NEBL: variants seen among roughly 807,000 people sequenced by gnomAD.
NEBL encodes the protein nebulette.
A neutral mutation model predicts 140.2 loss-of-function variants in NEBL; 122 were observed. That is an observed-to-expected ratio of 0.87 (90% CI 0.75 to 1.01). The LOEUF is 1.01. NEBL is among the 50% of genes least tolerant of loss of function. The pLI, the probability that NEBL is intolerant of heterozygous loss-of-function variation, is 0.00. For synonymous variants in NEBL, 436 were observed against 398.9 expected, an observed-to-expected ratio of 1.09 and a Z score of -1.11; for missense variants, 1,365 against 1,231.3, an observed-to-expected ratio of 1.11 and a Z score of -1.62.
intron 14 of NEBL, among the ~76,000 whole-genome samples, 178 bp downstream of exon 14, chr10:20,835,335 G>T (rs1040542558): frequency 6.6e-6 from 1 of 152,164 alleles, no homozygotes; most frequent in African/African-American, 2.4e-5. Flanking sequence ...GGAAGGATAT[G>T]AGCAAAGCAA....
intron 13 of NEBL, among the ~76,000 whole-genome samples, chr10:20,839,301 A>T (rs1042858705): frequency 6.6e-6 from 1 of 152,216 alleles, no homozygotes; most frequent in South Asian, 2.1e-4. Context: ...CAATCTCTGC[A>T]TGTGGATTGG....
At chr10:20,865,807 T>A (rs1367661474) in intron 7 of NEBL, among the ~76,000 whole-genome samples, 1 of 152,172 alleles carries the variant, frequency 6.6e-6, no homozygotes, top group African/African-American at 2.4e-5. Flanking sequence ...ACAATTACTA[T>A]GAGGCACAAT....
intron 1 of NEBL, among the ~76,000 whole-genome samples, chr10:21,272,187 G>A (rs143552785): frequency 0.036 from 4,807 of 135,072 alleles, 256 homozygotes; most frequent in African/African-American, 0.13. Flanking sequence ...GGATGGTCTC[G>A]ATCTCCTGAC....
chr10:20,847,726 C>A (rs766587945), intron 11 of NEBL, among the ~76,000 whole-genome samples: 3 of 152,086 alleles, frequency 2.0e-5, no homozygotes, highest in South Asian at 4.1e-4. Flanking sequence ...GATTTTTGAT[C>A]CCTGTCTCTT....
At chr10:21,010,409 G>A (rs531427620) in intron 3 of NEBL, among the ~76,000 whole-genome samples, 13 of 146,384 alleles carry the variant, frequency 8.9e-5, no homozygotes, top group African/African-American at 2.6e-4. Context: ...CATGCCCAGC[G>A]AATTTTTTAA....
chr10:21,169,941 T>G (rs1269578860), intron 2 of NEBL, among the ~76,000 whole-genome samples: 1 of 152,210 alleles, frequency 6.6e-6, no homozygotes, highest in Admixed American at 6.5e-5. Context: ...GGATGTTTCT[T>G]TTTCATAAGT....
rs35422151 is a variant in NEBL at position 21,262,995 on chromosome 10, C to T, written n.183-11167G>A. Among the ~76,000 whole-genome samples the T allele has an allele frequency of 8.8e-3, 1,344 of 152,314 alleles. 12 individuals are homozygous for T. Among genetic ancestry groups the T allele is most frequent in the Non-Finnish European group, 0.013 (876 of 68,018 alleles). Reference sequence around the variant, plus strand: ...GGCCATCTAAAAACAGTACCCACAGCCCCTTTGGTGGGCTTCTCAAGAAGA... The same window carrying T: ...GGCCATCTAAAAACAGTACCCACAGTCCCTTTGGTGGGCTTCTCAAGAAGA... On this transcript the variant is annotated intron_variant and non_coding_transcript_variant, in intron 1 of 8. Coordinates refer to the NEBL transcript ENST00000675702.
intron 2 of NEBL, among the ~76,000 whole-genome samples, chr10:21,060,891 GCA>G (rs1239622520): frequency 6.6e-6 from 1 of 152,010 alleles, no homozygotes; most frequent in Non-Finnish European, 1.5e-5. Flanking sequence ...CCTGCCTAAA[GCA>G]CACTCTTCAC....
chr10:20,888,241 A>C (rs756375353), intron 3 of NEBL, 34 bp from the exon 4 acceptor site: 1 of 1,250,572 alleles, frequency 8.0e-7, no homozygotes, highest in Non-Finnish European at 1.2e-6. Context: ...AAAATAAATA[A>C]ATAAACTTCC....
intron 2 of NEBL, among the ~76,000 whole-genome samples, chr10:21,141,251 T>C (rs1005131774): frequency 6.6e-6 from 1 of 152,222 alleles, no homozygotes; most frequent in Admixed American, 6.5e-5. Context: ...GATTAGATAA[T>C]ATGACAGTAT....
At chr10:20,956,214 G>C (rs1441191646) in intron 4 of NEBL, among the ~76,000 whole-genome samples, 2 of 152,184 alleles carry the variant, frequency 1.3e-5, no homozygotes, top group African/African-American at 4.8e-5. Flanking sequence ...TTTCTCACAT[G>C]AAAGTATAAG....
intron 3 of NEBL, among the ~76,000 whole-genome samples, chr10:21,223,689 T>G (rs1291469460): frequency 6.6e-6 from 1 of 152,220 alleles, no homozygotes; most frequent in East Asian, 1.9e-4. Context: ...TTCCCTTTTC[T>G]CCATGTCCTC....
intron 2 of NEBL, among the ~76,000 whole-genome samples, chr10:21,057,315 A>G (rs1170642228): frequency 6.6e-6 from 1 of 152,104 alleles, no homozygotes; most frequent in Non-Finnish European, 1.5e-5. Context: ...AGTAGTATTA[A>G]TAGCAGGGAG....
At chr10:21,183,188 C>T (rs1441473513) in intron 3 of NEBL, among the ~76,000 whole-genome samples, 1 of 152,164 alleles carries the variant, frequency 6.6e-6, no homozygotes, top group Non-Finnish European at 1.5e-5. Context: ...GTTCCCAGAT[C>T]TCTGCCCAGC....
chr10:21,277,907 T>A (rs1004891617), intron 1 of NEBL, among the ~76,000 whole-genome samples: 12 of 152,188 alleles, frequency 7.9e-5, no homozygotes, highest in African/African-American at 2.9e-4. Flanking sequence ...TCCTCCTACC[T>A]CTTCTTGTTT....
chr10:21,097,752 G>A (rs1837259245), intron 2 of NEBL, among the ~76,000 whole-genome samples: 1 of 152,128 alleles, frequency 6.6e-6, no homozygotes, highest in African/African-American at 2.4e-5. Context: ...CCAAAGCAAC[G>A]ACTTCAATCA....
At chr10:21,013,764 T>A (rs939545018) in intron 3 of NEBL, among the ~76,000 whole-genome samples, 21 of 151,900 alleles carry the variant, frequency 1.4e-4, no homozygotes, top group Non-Finnish European at 2.5e-4. Flanking sequence ...TATAATCCCA[T>A]CTACTCGGGA....
intron 1 of NEBL, among the ~76,000 whole-genome samples, chr10:21,275,781 C>T (rs998741068): frequency 1.3e-5 from 2 of 149,802 alleles, no homozygotes; most frequent in African/African-American, 4.9e-5. Flanking sequence ...GCTGGGATTA[C>T]AGGCAAGTGC....
At chr10:21,020,224 G>A (rs780311633) in intron 2 of NEBL, 4 of 1,590,368 alleles carry the variant, frequency 2.5e-6, no homozygotes, top group Non-Finnish European at 2.6e-6. Context: ...TTTTTAAAAG[G>A]ACATAATTAA....
Sources: gnomAD v4.1 joint callset for allele counts (sites outside exome capture counted in the v4.1 genomes callset) on GRCh38, gnomAD v4.1.1 for gene constraint, MANE v1.5 for transcripts, NCBI Gene and HGNC (gene_info 2026-07-23, HGNC 2026-07-21) for gene names.